The following YTHDC2 variants were observed in gnomAD, a reference collection of about 807,000 sequenced individuals.
YTHDC2 encodes YTH N6-methyladenosine RNA binding protein C2, also known as 3'-5' RNA helicase YTHDC2.
Under a neutral mutation model 174.9 loss-of-function variants are expected in YTHDC2, and 45 were observed. The observed-to-expected ratio is 0.26, with a 90% confidence interval of 0.20 to 0.33. The LOEUF (loss-of-function observed/expected upper bound fraction) is 0.33, where lower values mean the gene tolerates loss of function less well. YTHDC2 is among the 10% of genes least tolerant of loss of function. The pLI, the probability that YTHDC2 is intolerant of heterozygous loss-of-function variation, is 1.00. For synonymous variants in YTHDC2, 657 were observed against 574.5 expected (o/e 1.14, Z -2.05); for missense variants, 1,650 against 1,723.7 (o/e 0.96, Z 0.76).
rs764157343 is a variant in YTHDC2, at chr5:113,565,926, C to A, written c.2749C>A (p.Arg917=). ...WQKARSDGWE[R]AFCEKNFLSQ... The stretch of plus-strand genomic sequence containing the variant: ...AAAAGCACGAAGTGATGGGTGGGAG[C>A]GAGCCTTTTGTGAAAAGAATTTTCT... The change falls in exon 21 of 30, where the codon CGA becomes AGA. Residue 917 remains arginine (R), a synonymous_variant. Transcript: ENST00000161863. 1.4e-5 allele frequency: 23 copies of A among 1,613,200 alleles called. No individual in the cohort carries two copies.
At chr5:113,573,182 G>A (rs1777839897) in intron 23 of YTHDC2, among the ~76,000 whole-genome samples, 1 of 152,116 alleles carries the variant, frequency 6.6e-6, no homozygotes, top group African/African-American at 2.4e-5. Flanking sequence ...TATTCCCTCA[G>A]CATTTGCTTG....
chr5:113,557,014 T>C (rs565612285), intron 17 of YTHDC2, among the ~76,000 whole-genome samples: 5 of 152,300 alleles, frequency 3.3e-5, no homozygotes, highest in African/African-American at 1.2e-4. Flanking sequence ...GCATTGTTAA[T>C]TGAAAGGATA....
intron 2 of YTHDC2, among the ~76,000 whole-genome samples, chr5:113,517,990 G>A (rs1392408429): frequency 2.0e-5 from 3 of 151,776 alleles, no homozygotes; most frequent in Non-Finnish European, 4.4e-5. Context: ...CCGGGTTCAC[G>A]CCATTCTCCT....
intron 26 of YTHDC2, among the ~76,000 whole-genome samples, chr5:113,589,408 A>AAAATATATATATATATATAT (rs368975720): frequency 3.2e-4 from 40 of 123,212 alleles, no homozygotes; most frequent in African/African-American, 1.3e-3. Flanking sequence ...AAAAAAAAAA[A>AAAATATATATATATATATAT]ATATATATAT....
intron 2 of YTHDC2, among the ~76,000 whole-genome samples, chr5:113,518,936 C>T (rs939310814): frequency 2.6e-5 from 4 of 152,064 alleles, no homozygotes; most frequent in African/African-American, 9.7e-5. Context: ...GGCTGGAGTA[C>T]AGTGGCACAA....
At chr5:113,590,916 A>G (rs549233276) in intron 26 of YTHDC2, 125 bp from the exon 27 acceptor site, 16 of 776,318 alleles carry the variant, frequency 2.1e-5, no homozygotes, top group African/African-American at 8.8e-5. Flanking sequence ...TGATAGAGCT[A>G]TTTGCATTTG....
At chr5:113,547,436 T>C (rs1775955499) in intron 10 of YTHDC2, among the ~76,000 whole-genome samples, 2 of 152,172 alleles carry the variant, frequency 1.3e-5, no homozygotes, top group Non-Finnish European at 2.9e-5. Flanking sequence ...TGCCATTATA[T>C]ATTTGTCCAA....
chr5:113,559,315 C>G (rs1360036041), intron 17 of YTHDC2, among the ~76,000 whole-genome samples: 1 of 152,110 alleles, frequency 6.6e-6, no homozygotes, highest in African/African-American at 2.4e-5. Flanking sequence ...CGTATCTGAA[C>G]AGGATCTCAT....
intron 2 of YTHDC2, among the ~76,000 whole-genome samples, chr5:113,520,236 T>C (rs1420165146): frequency 6.6e-6 from 1 of 152,130 alleles, no homozygotes; most frequent in Non-Finnish European, 1.5e-5. Context: ...GAACTTACTC[T>C]TTTTTTATGG....
intron 4 of YTHDC2, among the ~76,000 whole-genome samples, chr5:113,527,083 G>A (rs796308167): frequency 3.9e-5 from 6 of 152,170 alleles, no homozygotes; most frequent in African/African-American, 1.4e-4. Context: ...GAAAGAAGAT[G>A]GGCTTTGGCC....
chr5:113,576,691 T>C (rs1286074761), intron 23 of YTHDC2, among the ~76,000 whole-genome samples: 1 of 152,190 alleles, frequency 6.6e-6, no homozygotes, highest in East Asian at 1.9e-4. Flanking sequence ...TATTGCCCTT[T>C]AGTTGAGTTG....
intron 26 of YTHDC2, among the ~76,000 whole-genome samples, chr5:113,588,128 A>C (rs1459384880): frequency 6.6e-6 from 1 of 152,086 alleles, no homozygotes; most frequent in Non-Finnish European, 1.5e-5. Flanking sequence ...TAATTCTATT[A>C]GCTTTTTATG....
Position 113,556,142 on chromosome 5 carries a change from A to G in YTHDC2, c.2216+8A>G. On this transcript the variant is annotated splice_region_variant and intron_variant, in intron 17 of 29. Coordinates refer to ENST00000161863, the MANE Select transcript of YTHDC2 (RefSeq NM_022828.5). ...CATACAGCGGAAAGGCAGGTAATGT[A>G]TATTTAATGTATATTCATTCAATTG... 1.3e-6 allele frequency: 2 copies of G among 1,564,690 alleles called. No individual in the cohort carries two copies. The highest frequency in any genetic ancestry group is 1.8e-6 in the Non-Finnish European group (2 of 1,139,214).
intron 26 of YTHDC2, among the ~76,000 whole-genome samples, chr5:113,588,228 T>C (rs1354398896): frequency 1.3e-5 from 2 of 152,074 alleles, no homozygotes; most frequent in African/African-American, 4.8e-5. Context: ...GGCCAGAGCC[T>C]CCAGCAAAAT....
chr5:113,535,954 A>T (rs756811226), intron 7 of YTHDC2, among the ~76,000 whole-genome samples, 156 bp downstream of exon 7: 34 of 152,128 alleles, frequency 2.2e-4, no homozygotes, highest in Non-Finnish European at 4.1e-4. Context: ...TCTGTTTTCA[A>T]CTTCTCCTTT....
chr5:113,525,039 G>T lies in YTHDC2; in HGVS notation c.337G>T (p.Ala113Ser). ...KKKDGSETAH[A>S]MMTCNLTHNT... The stretch of plus-strand genomic sequence containing the variant: ...GAAAGATGGATCAGAAACAGCTCAT[G>T]CAATGATGACCTGTAATTTGACTCA... The change falls in exon 3 of 30, where the codon GCA becomes TCA. Residue 113 changes from alanine (A) to serine (S), a missense_variant. This residue lies in a region of YTHDC2 where 304 missense variants were observed against 341.4 expected (regional missense o/e 0.89). Coordinates refer to ENST00000161863, the MANE Select transcript of YTHDC2 (RefSeq NM_022828.5). 1.9e-6 allele frequency: 3 copies of T among 1,611,628 alleles called. No individual in the cohort carries two copies. The highest frequency in any genetic ancestry group is 2.5e-6 in the Non-Finnish European group (3 of 1,178,860).
chr5:113,569,769 G>A (rs184427036), intron 23 of YTHDC2, among the ~76,000 whole-genome samples: 25 of 152,160 alleles, frequency 1.6e-4, no homozygotes, highest in African/African-American at 5.8e-4. Context: ...GCTTGAAGTC[G>A]GGTAGCGTGA....
intron 2 of YTHDC2, among the ~76,000 whole-genome samples, chr5:113,523,894 C>T (rs985557759): frequency 6.6e-6 from 1 of 151,900 alleles, no homozygotes; most frequent in Non-Finnish European, 1.5e-5. Context: ...TTGATTATTT[C>T]TATAATAGTG....
intron 2 of YTHDC2, among the ~76,000 whole-genome samples, chr5:113,518,123 C>G (rs761174883): frequency 6.6e-6 from 1 of 151,354 alleles, no homozygotes; most frequent in Admixed American, 6.6e-5. Context: ...CTCCTGACCT[C>G]GTGATCTGCC....
Sources: gnomAD v4.1 joint callset for allele counts (sites outside exome capture counted in the v4.1 genomes callset) on GRCh38, gnomAD v4.1.1 for gene constraint, gnomAD v4.1.1 regional missense constraint, MANE v1.5 for transcripts, NCBI Gene and HGNC (gene_info 2026-07-23, HGNC 2026-07-21) for gene names.